The following ZNF707 variants were observed in gnomAD, a reference collection of about 807,000 sequenced individuals.
ZNF707 encodes zinc finger protein 707.
ZNF707 carries 8 observed loss-of-function variants against 13.3 expected under a neutral mutation model. That is an observed-to-expected ratio of 0.60 (90% CI 0.35 to 1.09). ZNF707 has a LOEUF of 1.09. ZNF707 is among the 50% of genes least tolerant of loss of function. The pLI is 0.02. For synonymous variants in ZNF707, 225 were observed against 205.6 expected (o/e 1.09, Z -0.81); for missense variants, 530 against 512.6 (o/e 1.03, Z -0.33).
At position 143,693,291 on chromosome 8, in the gene ZNF707, T is replaced by G. The variant is rs1266062173; in HGVS notation, c.257-380T>G. Among the ~76,000 whole-genome samples, 6 of 151,766 alleles carry G rather than the reference T, an allele frequency of 4.0e-5. No individual in the cohort carries two copies. The highest frequency in any genetic ancestry group is 1.5e-4 in the African/African-American group (6 of 41,318). ...CAGGAGGGTCCTCTGGGCTTTTTTTTTTTTTTTGAGACGGAGTCTCGCTCT... is the reference window on the plus strand; with the variant it reads ...CAGGAGGGTCCTCTGGGCTTTTTTTGTTTTTTTGAGACGGAGTCTCGCTCT... On this transcript the variant is annotated intron_variant, in intron 5 of 5. Coordinates refer to ENST00000358656, the MANE Select transcript of ZNF707 (RefSeq NM_001100598.2). The surrounding 1 kb of genome is among the most constrained non-coding windows in gnomAD (Gnocchi z 4.1).
rs1817093290 is a variant in ZNF707, at chr8:143,693,999, G to A, written c.585G>A (p.Gln195=). Residue 195 remains glutamine (Q), a synonymous_variant, in exon 6 of 6, where the codon CAG becomes CAA. Transcript: ENST00000358656. This position sits in a 1 kb window ranked among gnomAD's most constrained non-coding sequence, Gnocchi z 4.1. ...GCCACAGCCGGCTGCTCGCTCACCAGACGGTGCACACGGGAACCAAGGCCT... is the reference window on the plus strand; with the variant it reads ...GCCACAGCCGGCTGCTCGCTCACCAAACGGTGCACACGGGAACCAAGGCCT... ...LSCHSRLLAH[Q]TVHTGTKAFE... The A allele has an allele frequency of 6.2e-7, 1 of 1,604,640 alleles. No individual in the cohort carries two copies. The highest frequency in any genetic ancestry group is 2.2e-5 in the East Asian group (1 of 44,636).
Position 143,694,507 on chromosome 8 carries a change from ACT to A in ZNF707, c.1095_1096del (p.His366GlnfsTer95), listed in dbSNP as rs1554614820. ...HLGFFTRHQR[T>X]HRHGEV Reference sequence around the variant, plus strand: ...GGGGTTCTTCACGCGGCATCAGAGGACTCACAGGCACGGGGAGGTGTAGGGGC... The same window carrying A: ...GGGGTTCTTCACGCGGCATCAGAGGACACAGGCACGGGGAGGTGTAGGGGC... On this transcript the variant is annotated frameshift_variant, in exon 6 of 6. Coordinates refer to ENST00000358656, the MANE Select transcript of ZNF707 (RefSeq NM_001100598.2). LOFTEE classifies it low-confidence loss of function (END_TRUNC). This position sits in a 1 kb window ranked among gnomAD's most constrained non-coding sequence, Gnocchi z 4.4. 4.4e-6 allele frequency: 7 copies of A among 1,604,408 alleles called. No individual in the cohort carries two copies. The highest frequency in any genetic ancestry group is 6.0e-6 in the Non-Finnish European group (7 of 1,173,638).
chr8:143,691,778 C>A, intron 5 of ZNF707, 65 bp downstream of exon 5: 2 of 1,376,474 alleles, frequency 1.5e-6, no homozygotes, highest in Non-Finnish European at 2.0e-6. Context: ...CTGGGTAGTG[C>A]TCAGCACGCT....
chr8:143,695,196 T>C lies in ZNF707; in HGVS notation c.*666T>C, dbSNP rs3204171. On this transcript the variant is annotated 3_prime_UTR_variant, in exon 6 of 6. Coordinates refer to ENST00000358656, the MANE Select transcript of ZNF707 (RefSeq NM_001100598.2). ...ATGCACCTGGAGTTGGGAGATCAAGTTGGGTCTCAGGGCAGTGAGGTGGCC... is the reference window on the plus strand; with the variant it reads ...ATGCACCTGGAGTTGGGAGATCAAGCTGGGTCTCAGGGCAGTGAGGTGGCC... 100,642 of 152,082 alleles carry C rather than the reference T, an allele frequency of 0.66. 36,702 individuals are homozygous for C. Among genetic ancestry groups the C allele is most frequent in the Non-Finnish European group, 0.84 (57,132 of 68,046 alleles). The allele number at this position is 152,082 out of a possible 1,614,324, so 9.4% of individuals were successfully genotyped here. A position where few individuals can be genotyped will look rare whatever the true frequency, so the allele number is the denominator to read the frequency against.
In ZNF707 at chr8:143,693,283, C is replaced by CTT. The variant is rs782193862; in HGVS notation, c.257-374_257-373dup. Among the ~76,000 whole-genome samples the CTT allele has an allele frequency of 4.2e-5, 6 of 141,830 alleles. No individual in the cohort carries two copies. The highest frequency in any genetic ancestry group is 7.7e-5 in the African/African-American group (3 of 38,714). The allele number at this position is 141,830 out of a possible 152,430, so 93.0% of individuals were successfully genotyped here. Reference sequence around the variant, plus strand: ...GCACACAGCAGGAGGGTCCTCTGGGCTTTTTTTTTTTTTTTGAGACGGAGT... The same window carrying CTT: ...GCACACAGCAGGAGGGTCCTCTGGGCTTTTTTTTTTTTTTTTTGAGACGGAGT... On this transcript the variant is annotated intron_variant, in intron 5 of 5. Coordinates refer to ENST00000358656, the MANE Select transcript of ZNF707 (RefSeq NM_001100598.2). The surrounding 1 kb of genome is among the most constrained non-coding windows in gnomAD (Gnocchi z 4.1).
At chr8:143,692,353 G>A (rs1554613901) in intron 5 of ZNF707, 6 of 1,279,318 alleles carry the variant, frequency 4.7e-6, no homozygotes, top group Non-Finnish European at 6.1e-6. Context: ...CCCGACTGTG[G>A]AGTGTCAGGT....
chr8:143,691,515 AGGCT>A, intron 4 of ZNF707, 81 bp from the exon 5 acceptor site: 3 of 1,420,490 alleles, frequency 2.1e-6, no homozygotes, highest in Non-Finnish European at 2.9e-6. Context: ...CTGGCGTCTT[AGGCT>A]GATGCACAAC....
chr8:143,692,567 G>A (rs568680753), intron 5 of ZNF707, among the ~76,000 whole-genome samples: 8 of 66,138 alleles, frequency 1.2e-4, no homozygotes, highest in African/African-American at 4.8e-4. Flanking sequence ...TTGCATCCCC[G>A]GGTGTGTGGA....
Position 143,694,390 on chromosome 8 carries a change from C to G in ZNF707, c.976C>G (p.Arg326Gly). The G allele has an allele frequency of 2.5e-6, 4 of 1,612,226 alleles. No homozygotes were observed. Among genetic ancestry groups the G allele is most frequent in the Non-Finnish European group, 3.4e-6 (4 of 1,179,496 alleles). ...CTGTGCCGAGTGCGGCAAGTCCTTC[C>G]GGTGGCCCAAGGGCTTCAGCATCCA... The part of the protein sequence containing the change: ...YTCAECGKSF[R>G]WPKGFSIHRR... Residue 326 changes from arginine (R) to glycine (G), a missense_variant, in exon 6 of 6, where the codon CGG becomes GGG. Arg to Gly is a moderately radical substitution (Grantham distance 125, BLOSUM62 -2). Transcript: ENST00000358656. This position sits in a 1 kb window ranked among gnomAD's most constrained non-coding sequence, Gnocchi z 4.4.
Position 143,694,758 on chromosome 8 carries a change from G to A in ZNF707, c.*228G>A. On this transcript the variant is annotated 3_prime_UTR_variant, in exon 6 of 6. Transcript: ENST00000358656. The surrounding 1 kb of genome is among the most constrained non-coding windows in gnomAD (Gnocchi z 4.4). The stretch of plus-strand genomic sequence containing the variant: ...TGGCGGGGGCTCTGGAGATGGCGGG[G>A]GCTGCGCCCCGGCGCCGGGCATCCT... 1 of 535,042 alleles carries A rather than the reference G, an allele frequency of 1.9e-6. No individual in the cohort carries two copies. Among genetic ancestry groups the A allele is most frequent in the Non-Finnish European group, 3.2e-6 (1 of 313,920 alleles). 33.1% of individuals were successfully genotyped at this position (535,042 alleles called of 1,614,324 possible).
At position 143,694,056 on chromosome 8, in the gene ZNF707, G is replaced by A. The variant is rs781823435; in HGVS notation, c.642G>A (p.Arg214=). The A allele has an allele frequency of 6.2e-7, 1 of 1,607,764 alleles. No individual in the cohort carries two copies. Among genetic ancestry groups the A allele is most frequent in the Non-Finnish European group, 8.5e-7 (1 of 1,178,010 alleles). The change falls in exon 6 of 6, where the codon CGG becomes CGA. Residue 214 remains arginine, a synonymous_variant. Coordinates refer to ENST00000358656, the MANE Select transcript of ZNF707 (RefSeq NM_001100598.2). The surrounding 1 kb of genome is among the most constrained non-coding windows in gnomAD (Gnocchi z 4.4). ...FECPECGQTF[R]WASNLQRHQK... is the part of the protein sequence containing the mutation. ...GCCCCGAGTGCGGCCAGACCTTCCGGTGGGCTTCAAACCTGCAGCGCCACC... is the reference window on the plus strand; with the variant it reads ...GCCCCGAGTGCGGCCAGACCTTCCGATGGGCTTCAAACCTGCAGCGCCACC...
Position 143,694,658 on chromosome 8 carries a change from A to C in ZNF707, c.*128A>C, listed in dbSNP as rs1554614905. 1.8e-6 allele frequency: 2 copies of C among 1,090,186 alleles called. No individual in the cohort carries two copies. Among genetic ancestry groups the C allele is most frequent in the Non-Finnish European group, 1.3e-6 (1 of 787,748 alleles). The allele number at this position is 1,090,186 out of a possible 1,614,324, so 67.5% of individuals were successfully genotyped here. On this transcript the variant is annotated 3_prime_UTR_variant, in exon 6 of 6. Coordinates refer to ENST00000358656, the MANE Select transcript of ZNF707 (RefSeq NM_001100598.2). This position sits in a 1 kb window ranked among gnomAD's most constrained non-coding sequence, Gnocchi z 4.4. The stretch of plus-strand genomic sequence containing the variant: ...TCAGAGAAGCCTTCTTAGTCCTCAG[A>C]GCTCCCCAGTCCCCCGAGAAGTTTA...
At chr8:143,686,658 T>C (rs188961848) in intron 1 of ZNF707, among the ~76,000 whole-genome samples, 1 of 152,158 alleles carries the variant, frequency 6.6e-6, no homozygotes, top group East Asian at 1.9e-4. Context: ...TACCTTTGTG[T>C]CTCTTTTTAG....
Position 143,693,834 on chromosome 8 carries a change from G to T in ZNF707, c.420G>T (p.Arg140Ser). 2 of 1,612,494 alleles carry T rather than the reference G, an allele frequency of 1.2e-6. No individual in the cohort carries two copies. The highest frequency in any genetic ancestry group is 1.7e-6 in the Non-Finnish European group (2 of 1,179,692). The change falls in exon 6 of 6, where the codon AGG becomes AGT. Residue 140 changes from arginine to serine, a missense_variant. Coordinates refer to ENST00000358656, the MANE Select transcript of ZNF707 (RefSeq NM_001100598.2). This position sits in a 1 kb window ranked among gnomAD's most constrained non-coding sequence, Gnocchi z 4.1. ...AGCTTCCCAGAGCTGCTCCAGAAAG[G>T]ACAGACGCCAAGCCCACGGCTTTCC... ...DGQLPRAAPE[R>S]TDAKPTAFPC...
Position 143,694,404 on chromosome 8 carries a change from C to T in ZNF707, c.990C>T (p.Gly330=), listed in dbSNP as rs368471046. ...ECGKSFRWPK[G]FSIHRRLHLT... is the part of the protein sequence containing the mutation. ...GCAAGTCCTTCCGGTGGCCCAAGGG[C>T]TTCAGCATCCACCGGAGGCTGCACC... The change falls in exon 6 of 6, where the codon GGC becomes GGT. Residue 330 remains glycine, a synonymous_variant. Coordinates refer to ENST00000358656, the MANE Select transcript of ZNF707 (RefSeq NM_001100598.2). This position sits in a 1 kb window ranked among gnomAD's most constrained non-coding sequence, Gnocchi z 4.4. 29 of 1,612,284 alleles carry T rather than the reference C, an allele frequency of 1.8e-5. No individual in the cohort carries two copies. In the African/African-American group the frequency reaches 3.6e-4, roughly 20 times the overall value.
At position 143,693,710 on chromosome 8, in the gene ZNF707, A is replaced by T. The variant is rs782777709; in HGVS notation, c.296A>T (p.His99Leu). 1.2e-6 allele frequency: 2 copies of T among 1,609,200 alleles called. No individual in the cohort carries two copies. The highest frequency in any genetic ancestry group is 1.7e-6 in the Non-Finnish European group (2 of 1,177,836). The change falls in exon 6 of 6, where the codon CAT (histidine) becomes CTT (leucine). Residue 99 changes from histidine to leucine, a missense_variant. Transcript: ENST00000358656. The surrounding 1 kb of genome is among the most constrained non-coding windows in gnomAD (Gnocchi z 4.1). The stretch of plus-strand genomic sequence containing the variant: ...GCAGACCCCAAGAGACCTTGTGATC[A>T]TCCAGCTTGGGCTCACAAGAAAACC... ...KSADPKRPCD[H>L]PAWAHKKTHV...
rs1817078903 is a variant in ZNF707, at chr8:143,693,914, G to A, written c.500G>A (p.Arg167Gln). The change falls in exon 6 of 6, where the codon CGG becomes CAG. Residue 167 changes from arginine (R) to glutamine (Q), a missense_variant. By Grantham distance (43) the Arg-to-Gln change is conservative (BLOSUM62 1). Coordinates refer to ENST00000358656, the MANE Select transcript of ZNF707 (RefSeq NM_001100598.2). This position sits in a 1 kb window ranked among gnomAD's most constrained non-coding sequence, Gnocchi z 4.1. ...CGRRPGRRERRKQRAVELSFI... is the reference protein window; with the variant it reads ...CGRRPGRRERQKQRAVELSFI... ...CGGCGGCCGGGCCGCAGAGAGCGCC[G>A]GAAGCAGCGCGCAGTAGAGCTGTCA... is the stretch of plus-strand genomic sequence containing the variant. 8.1e-6 allele frequency: 13 copies of A among 1,606,234 alleles called. No homozygotes were observed. The highest frequency in any genetic ancestry group is 1.1e-5 in the Non-Finnish European group (13 of 1,176,150).
rs1817039208 is a variant in ZNF707 at position 143,693,578 on chromosome 8, A to G, written c.257-93A>G. 6 of 1,400,612 alleles carry G rather than the reference A, an allele frequency of 4.3e-6. No individual in the cohort carries two copies. Among genetic ancestry groups the G allele is most frequent in the Non-Finnish European group, 5.6e-6 (6 of 1,063,052 alleles). 86.8% of individuals were successfully genotyped at this position (1,400,612 alleles called of 1,614,324 possible). On this transcript the variant is annotated intron_variant, in intron 5 of 5. Transcript: ENST00000358656. The surrounding 1 kb of genome is among the most constrained non-coding windows in gnomAD (Gnocchi z 4.1). The stretch of plus-strand genomic sequence containing the variant: ...CCAAAGTGCTGGGATTACAGGCGTG[A>G]GCCACCGCGCCCGGCCTCCTCTGGG...
At chr8:143,687,181 A>AT (rs141209952) in intron 1 of ZNF707, among the ~76,000 whole-genome samples, 5,225 of 150,804 alleles carry the variant, frequency 0.035, 137 homozygotes, top group Non-Finnish European at 0.053. Context: ...TGAATTTGTA[A>AT]TTTTTTAAAA....
Sources: allele counts gnomAD v4.1 joint callset (sites outside exome capture counted in the v4.1 genomes callset), GRCh38; gene constraint gnomAD v4.1.1; non-coding constraint Gnocchi (gnomAD v3.1); transcripts MANE v1.5; gene names NCBI Gene and HGNC (gene_info 2026-07-23, HGNC 2026-07-21).